Variants in CSNK1G1 observed in about 807,000 individuals in gnomAD.
CSNK1G1 encodes the protein casein kinase 1 gamma 1, also known as casein kinase I isoform gamma-1.
CSNK1G1 carries 22 observed loss-of-function variants against 59.6 expected under a neutral mutation model. The observed-to-expected ratio is 0.37, with a 90% CI of 0.26 to 0.53. The LOEUF (loss-of-function observed/expected upper bound fraction) is 0.53. Ranked by LOEUF, CSNK1G1 falls within the 20% of genes least tolerant of loss-of-function variation. The pLI is 0.89. For missense variants in CSNK1G1, 384 were observed against 519.5 expected, an observed-to-expected ratio of 0.74 and a Z score of 2.54; for synonymous variants, 179 against 177.1, an observed-to-expected ratio of 1.01 and a Z score of -0.08.
chr15:64,321,864 T>A (rs1418171726), intron 1 of CSNK1G1, among the ~76,000 whole-genome samples: 1 of 152,236 alleles, frequency 6.6e-6, no homozygotes, highest in Non-Finnish European at 1.5e-5. Flanking sequence ...CAGTTATGAT[T>A]TGGGACATAA....
At chr15:64,275,679 A>G (rs1414979243) in intron 2 of CSNK1G1, among the ~76,000 whole-genome samples, 2 of 152,176 alleles carry the variant, frequency 1.3e-5, no homozygotes, top group Non-Finnish European at 2.9e-5. Flanking sequence ...GTAGAACATG[A>G]TCCATTAGTG....
rs1566939022 is a variant in CSNK1G1 at position 64,300,674 on chromosome 15, C to T, written c.-175G>A. 3.9e-6 allele frequency: 5 copies of T among 1,279,178 alleles called. No individual in the cohort carries two copies. The South Asian group carries it at 9.3e-5, about 24-fold the overall frequency. 79.2% of individuals were successfully genotyped at this position (1,279,178 alleles called of 1,614,324 possible). A position where few individuals can be genotyped will look rare whatever the true frequency, so the allele number is the denominator to read the frequency against. On this transcript the variant is annotated 5_prime_UTR_variant, in exon 2 of 12. Transcript: ENST00000303052. ...AGATGAAAAACCATTTATTTGTTCCCGTAGGAAATGTAGTCACTAGGTCTC... is the reference window on the plus strand; with the variant it reads ...AGATGAAAAACCATTTATTTGTTCCTGTAGGAAATGTAGTCACTAGGTCTC...
intron 1 of CSNK1G1, chr15:64,348,244 G>C (rs557050227): frequency 6.6e-6 from 1 of 152,110 alleles, no homozygotes; most frequent in Non-Finnish European, 1.5e-5. Flanking sequence ...TGGTGGATAC[G>C]TGTCATTATG....
chr15:64,347,508 C>A (rs776524262), intron 1 of CSNK1G1, among the ~76,000 whole-genome samples: 4 of 148,354 alleles, frequency 2.7e-5, no homozygotes, highest in Non-Finnish European at 4.4e-5. Flanking sequence ...CCAAGCTACT[C>A]GGGAGGCTGA....
At chr15:64,335,366 TA>T (rs1288152632) in intron 1 of CSNK1G1, among the ~76,000 whole-genome samples, 3 of 152,094 alleles carry the variant, frequency 2.0e-5, no homozygotes, top group Admixed American at 2.0e-4. Context: ...AAAAATAAAG[TA>T]CCACAAAGGT....
intron 3 of CSNK1G1, among the ~76,000 whole-genome samples, chr15:64,252,667 T>C (rs984057711): frequency 1.3e-5 from 2 of 152,362 alleles, no homozygotes; most frequent in Admixed American, 1.3e-4. Flanking sequence ...TGTATATTTC[T>C]TTTTAAACTA....
intron 1 of CSNK1G1, among the ~76,000 whole-genome samples, chr15:64,340,119 T>C (rs943988797): frequency 1.4e-4 from 22 of 152,226 alleles, no homozygotes; most frequent in African/African-American, 4.8e-4. Flanking sequence ...TGCACTGTCA[T>C]CGAAGGTTTG....
rs533323128 is a variant in CSNK1G1 at position 64,269,171 on chromosome 15, CT to C, written c.182-9931del. On this transcript the variant is annotated intron_variant, in intron 2 of 11. Coordinates refer to ENST00000303052, the MANE Select transcript of CSNK1G1 (RefSeq NM_022048.5). ...CATTACAAGTGTTTTGGGCCTTTAT[CT>C]AGAAGTTTGGTGATGTTTTTGTGAT... Among the ~76,000 whole-genome samples, 34 of 152,266 alleles carry C rather than the reference CT, an allele frequency of 2.2e-4. No homozygotes were observed. In the South Asian group the frequency reaches 6.9e-3, roughly 31 times the overall value.
At chr15:64,257,988 C>G (rs1463936143) in intron 3 of CSNK1G1, among the ~76,000 whole-genome samples, 1 of 152,172 alleles carries the variant, frequency 6.6e-6, no homozygotes, top group Non-Finnish European at 1.5e-5. Context: ...TCCCTGTCCA[C>G]CCACCCCTTT....
chr15:64,203,240 G>A, intron 9 of CSNK1G1, 51 bp from the exon 10 acceptor site: 1 of 1,117,088 alleles, frequency 9.0e-7, no homozygotes, highest in Non-Finnish European at 1.4e-6. Flanking sequence ...CCAACTTGAT[G>A]CATATGCAAA....
chr15:64,221,713 T>C (rs2082390638), intron 4 of CSNK1G1, among the ~76,000 whole-genome samples: 1 of 151,576 alleles, frequency 6.6e-6, no homozygotes, highest in African/African-American at 2.4e-5. Context: ...GAGGAGGGGG[T>C]TTACACAATG....
chr15:64,269,721 T>A (rs1419476469), intron 2 of CSNK1G1, among the ~76,000 whole-genome samples: 9 of 152,174 alleles, frequency 5.9e-5, no homozygotes. Flanking sequence ...CTTGAACTCC[T>A]GACCTCAGGT....
intron 10 of CSNK1G1, among the ~76,000 whole-genome samples, chr15:64,202,806 G>A (rs1251782470): frequency 6.6e-6 from 1 of 152,060 alleles, no homozygotes; most frequent in African/African-American, 2.4e-5. Context: ...ACCTGCCTTG[G>A]CCTCCCAAAG....
rs115932292 is a variant in CSNK1G1 at position 64,305,378 on chromosome 15, T to C, written c.-224-4655A>G. On this transcript the variant is annotated intron_variant, in intron 1 of 11. Coordinates refer to ENST00000303052, the MANE Select transcript of CSNK1G1 (RefSeq NM_022048.5). ...AAATTAAAAGACACTGTAGGACAATTTGAGTACCAATACAAGGCTTGAAAT... is the reference window on the plus strand; with the variant it reads ...AAATTAAAAGACACTGTAGGACAATCTGAGTACCAATACAAGGCTTGAAAT... Among the ~76,000 whole-genome samples the C allele has an allele frequency of 3.0e-3, 463 of 152,068 alleles. 1 individual carries two copies. The highest frequency in any genetic ancestry group is 0.011 in the African/African-American group (446 of 41,486).
At position 64,240,267 on chromosome 15, in the gene CSNK1G1, A is replaced by C. The variant is rs144596804; in HGVS notation, c.292+11245T>G. On this transcript the variant is annotated intron_variant, in intron 4 of 11. Transcript: ENST00000303052. Reference sequence around the variant, plus strand: ...AAACAAAACAAAACAAAAATAATGAAAAAGAGTGAAGAAAGCTTACAAGAC... The same window carrying C: ...AAACAAAACAAAACAAAAATAATGACAAAGAGTGAAGAAAGCTTACAAGAC... Among the ~76,000 whole-genome samples, 716 of 152,296 alleles carry C rather than the reference A, an allele frequency of 4.7e-3. 6 individuals are homozygous for C. The highest frequency in any genetic ancestry group is 0.017 in the African/African-American group (691 of 41,574).
In CSNK1G1 at chr15:64,277,947, AT is replaced by A. The variant is rs537193945; in HGVS notation, c.182-18707del. On this transcript the variant is annotated intron_variant, in intron 2 of 11. Transcript: ENST00000303052. Reference sequence around the variant, plus strand: ...TTGATATATTTAATAATATATTAATATTGATATAGTTGAATAATATATTAAT... The same window carrying A: ...TTGATATATTTAATAATATATTAATATGATATAGTTGAATAATATATTAAT... Among the ~76,000 whole-genome samples, 663 of 144,846 alleles carry A rather than the reference AT, an allele frequency of 4.6e-3. 4 individuals are homozygous for A. The highest frequency in any genetic ancestry group is 0.016 in the African/African-American group (645 of 39,614).
chr15:64,209,894 T>C (rs2082229459), intron 6 of CSNK1G1, among the ~76,000 whole-genome samples: 1 of 152,194 alleles, frequency 6.6e-6, no homozygotes, highest in East Asian at 1.9e-4. Context: ...AATGTTTGAA[T>C]TTTAAACAGT....
At chr15:64,234,257 T>C (rs1017770630) in intron 4 of CSNK1G1, among the ~76,000 whole-genome samples, 3 of 152,098 alleles carry the variant, frequency 2.0e-5, no homozygotes, top group South Asian at 2.1e-4. Flanking sequence ...GTTTTTAACA[T>C]GAGGCTGTTA....
At chr15:64,290,511 T>C (rs1894679069) in intron 2 of CSNK1G1, among the ~76,000 whole-genome samples, 1 of 152,124 alleles carries the variant, frequency 6.6e-6, no homozygotes, top group African/African-American at 2.4e-5. Context: ...CTTTCACTTA[T>C]AAGTGGGAGC....
Sources: allele counts gnomAD v4.1 joint callset (sites outside exome capture counted in the v4.1 genomes callset), GRCh38; gene constraint gnomAD v4.1.1; transcripts MANE v1.5; gene names NCBI Gene and HGNC (gene_info 2026-07-23, HGNC 2026-07-21).